Variants in RABGAP1L observed in about 807,000 individuals in gnomAD.
The protein encoded by RABGAP1L is RAB GTPase activating protein 1 like.
Under a neutral mutation model 137.7 loss-of-function variants are expected in RABGAP1L, and 63 were observed. The ratio of observed to expected loss-of-function variants is 0.46; its 90% CI spans 0.37 to 0.56. The LOEUF is 0.56. Among genes scored for constraint, RABGAP1L ranks in the 20% least tolerant of loss-of-function variants. The pLI, the probability that RABGAP1L is intolerant of heterozygous loss-of-function variation, is 0.00. For synonymous variants in RABGAP1L, 431 were observed against 433.7 expected (o/e 0.99, Z 0.08); for missense variants, 1,095 against 1,244.0 (o/e 0.88, Z 1.80).
chr1:174,617,198 T>C (rs888044497), intron 13 of RABGAP1L, among the ~76,000 whole-genome samples: 1 of 152,246 alleles, frequency 6.6e-6, no homozygotes, highest in South Asian at 2.1e-4. Context: ...CTGCTATTTA[T>C]GATTTGGCTT....
chr1:174,975,240 A>G (rs1234686556), intron 21 of RABGAP1L, among the ~76,000 whole-genome samples: 1 of 152,230 alleles, frequency 6.6e-6, no homozygotes, highest in Non-Finnish European at 1.5e-5. Context: ...AATAAATCCC[A>G]TGTGTAAGTT....
At chr1:174,970,746 C>G (rs975494705) in intron 21 of RABGAP1L, among the ~76,000 whole-genome samples, 2 of 151,576 alleles carry the variant, frequency 1.3e-5, no homozygotes, top group South Asian at 4.2e-4. Flanking sequence ...AAAAAAAGAT[C>G]TGTTTAAAAA....
At position 174,957,453 on chromosome 1, in the gene RABGAP1L, G is replaced by C. The variant is rs375324160; in HGVS notation, c.2341-4G>C. 6.2e-7 allele frequency: 1 copy of C among 1,610,196 alleles called. No individual in the cohort carries two copies. The highest frequency in any genetic ancestry group is 1.3e-5 in the African/African-American group (1 of 74,810). ...CTAACATGGTTTTCCTCAAATCCCT[G>C]CAGGTACCAACCAAGAAGCTGAAGA... is the stretch of plus-strand genomic sequence containing the variant. On this transcript the variant is annotated splice_polypyrimidine_tract_variant and splice_region_variant and intron_variant, in intron 19 of 25. Coordinates refer to ENST00000681986, the MANE Select transcript of RABGAP1L (RefSeq NM_001366446.1).
chr1:174,615,481 C>T (rs1357360871), intron 13 of RABGAP1L, among the ~76,000 whole-genome samples: 11 of 152,140 alleles, frequency 7.2e-5, no homozygotes, highest in Non-Finnish European at 1.0e-4. Flanking sequence ...GTCGGTCTGC[C>T]CCTACTTGGG....
chr1:174,460,730 A>T (rs1656593632), intron 13 of RABGAP1L, among the ~76,000 whole-genome samples: 2 of 152,180 alleles, frequency 1.3e-5, no homozygotes, highest in Non-Finnish European at 2.9e-5. Context: ...CTACATTAAT[A>T]AATAAATTAA....
At chr1:174,610,821 T>C (rs1174867966) in intron 13 of RABGAP1L, among the ~76,000 whole-genome samples, 1 of 152,244 alleles carries the variant, frequency 6.6e-6, no homozygotes, top group Admixed American at 6.5e-5. Context: ...ATGAGCATTT[T>C]TTCATGTGTT....
intron 13 of RABGAP1L, among the ~76,000 whole-genome samples, chr1:174,520,020 T>C (rs996151506): frequency 2.0e-4 from 30 of 152,214 alleles, no homozygotes; most frequent in African/African-American, 7.0e-4. Flanking sequence ...GCATCAGGCC[T>C]GGCACCAGCG....
chr1:174,874,264 C>G (rs1652701273), intron 19 of RABGAP1L: 1 of 153,058 alleles, frequency 6.5e-6, no homozygotes, highest in Non-Finnish European at 1.5e-5. Context: ...TCAAATAAAC[C>G]TATTTGATAG....
chr1:174,493,402 A>G (rs1001852997), intron 13 of RABGAP1L, among the ~76,000 whole-genome samples: 5 of 151,744 alleles, frequency 3.3e-5, no homozygotes, highest in Admixed American at 2.0e-4. Flanking sequence ...GAAATTTACT[A>G]GTAATCTCAG....
chr1:174,376,177 G>T (rs1295482800), intron 12 of RABGAP1L, among the ~76,000 whole-genome samples: 1 of 135,586 alleles, frequency 7.4e-6, no homozygotes, highest in African/African-American at 2.8e-5. Flanking sequence ...AAAGAAAGAA[G>T]GAAAGAAAGT....
At chr1:174,559,932 G>A (rs1011087115) in intron 13 of RABGAP1L, among the ~76,000 whole-genome samples, 3 of 152,052 alleles carry the variant, frequency 2.0e-5, no homozygotes, top group African/African-American at 7.2e-5. Flanking sequence ...TCAGGAGTTC[G>A]AGACCAGCCT....
chr1:174,568,235 C>T (rs1667712476), intron 13 of RABGAP1L, among the ~76,000 whole-genome samples: 1 of 152,108 alleles, frequency 6.6e-6, no homozygotes, highest in Admixed American at 6.6e-5. Context: ...AGTGAGAAAT[C>T]ACTGATCACC....
chr1:174,392,546 A>G (rs1167545632), intron 12 of RABGAP1L, among the ~76,000 whole-genome samples: 2 of 152,224 alleles, frequency 1.3e-5, no homozygotes, highest in Non-Finnish European at 2.9e-5. Context: ...TAGCTAGAAA[A>G]GGCTAAAAGA....
chr1:174,569,084 T>A (rs1667798194), intron 13 of RABGAP1L, among the ~76,000 whole-genome samples: 1 of 152,216 alleles, frequency 6.6e-6, no homozygotes, highest in Non-Finnish European at 1.5e-5. Flanking sequence ...GTGGTTACGG[T>A]CACACAGATA....
rs1465703943 is a variant in RABGAP1L at position 174,430,408 on chromosome 1, C to G, written c.1710+36263C>G. On this transcript the variant is annotated intron_variant, in intron 13 of 25. Coordinates refer to ENST00000681986, the MANE Select transcript of RABGAP1L (RefSeq NM_001366446.1). ...AAGGCCTTACCACTTCTTATAGCAC[C>G]CTCATGATTTTGTTTTTTCTGTGAG... Among the ~76,000 whole-genome samples the G allele has an allele frequency of 2.0e-5, 3 of 151,938 alleles. No individual in the cohort carries two copies. In the East Asian group the frequency reaches 5.8e-4, roughly 29 times the overall value.
rs946662742 is a variant in RABGAP1L at position 174,613,232 on chromosome 1, G to C, written c.1711-24143G>C. Among the ~76,000 whole-genome samples the C allele has an allele frequency of 4.3e-4, 65 of 152,046 alleles. 1 individual carries two copies. Among genetic ancestry groups the C allele is most frequent in the Admixed American group, 1.9e-3 (29 of 15,274 alleles). ...TCCCTCTACACAGTGCTTTGAATGT[G>C]TCCCAGAGATTCTGGTATGTTGTGT... On this transcript the variant is annotated intron_variant, in intron 13 of 25. Transcript: ENST00000681986.
chr1:174,635,588 G>A (rs1320140733), intron 13 of RABGAP1L, among the ~76,000 whole-genome samples: 1 of 151,980 alleles, frequency 6.6e-6, no homozygotes, highest in Non-Finnish European at 1.5e-5. Context: ...ATTTACCTTG[G>A]CAAATATAAA....
At chr1:174,940,495 C>G (rs1665691423) in intron 19 of RABGAP1L, among the ~76,000 whole-genome samples, 2 of 152,068 alleles carry the variant, frequency 1.3e-5, no homozygotes, top group Admixed American at 1.3e-4. Context: ...CCAGGCTGGT[C>G]TTGAACTCTT....
chr1:174,886,445 C>G (rs931313594), intron 19 of RABGAP1L, among the ~76,000 whole-genome samples: 18 of 152,194 alleles, frequency 1.2e-4, no homozygotes, highest in African/African-American at 4.3e-4. Context: ...ACAGTGTAGC[C>G]CTGTAATTGT....
Sources: allele counts gnomAD v4.1 joint callset (sites outside exome capture counted in the v4.1 genomes callset), GRCh38; gene constraint gnomAD v4.1.1; transcripts MANE v1.5; gene names NCBI Gene and HGNC (gene_info 2026-07-23, HGNC 2026-07-21).